HPSE2: variants seen among roughly 807,000 people sequenced by gnomAD.
HPSE2 encodes inactive heparanase-2.
HPSE2 carries 38 observed loss-of-function variants against 60.5 expected under a neutral mutation model. That is an observed-to-expected ratio of 0.63 (90% CI 0.48 to 0.82). The LOEUF (loss-of-function observed/expected upper bound fraction) is 0.82, where lower values mean the gene tolerates loss of function less well. Ranked by LOEUF, HPSE2 falls within the 40% of genes least tolerant of loss-of-function variation. HPSE2 has a pLI of 0.00. For synonymous variants in HPSE2, 295 were observed against 293.2 expected (o/e 1.01, Z -0.06); for missense variants, 713 against 740.4 (o/e 0.96, Z 0.43).
intron 9 of HPSE2, among the ~76,000 whole-genome samples, chr10:98,549,904 A>G (rs1943809419): frequency 6.6e-6 from 1 of 151,890 alleles, no homozygotes; most frequent in Non-Finnish European, 1.5e-5. Flanking sequence ...AATATCATCT[A>G]CTCCCACGGT....
At chr10:98,945,845 T>C (rs1041404548) in intron 3 of HPSE2, among the ~76,000 whole-genome samples, 19 of 152,224 alleles carry the variant, frequency 1.2e-4, no homozygotes, top group African/African-American at 4.6e-4. Context: ...TAGCATTTAC[T>C]GTTCACATTG....
intron 3 of HPSE2, among the ~76,000 whole-genome samples, chr10:98,809,377 T>TGTATA (rs1951115850): frequency 6.6e-6 from 1 of 152,098 alleles, no homozygotes; most frequent in Admixed American, 6.6e-5. Context: ...GTACTATTAA[T>TGTATA]ATAATGTAAC....
At chr10:98,984,148 T>C (rs1034086519) in intron 3 of HPSE2, among the ~76,000 whole-genome samples, 1 of 152,156 alleles carries the variant, frequency 6.6e-6, no homozygotes, top group Non-Finnish European at 1.5e-5. Context: ...AGAGTAGTGG[T>C]TCTCTCAGCA....
intron 3 of HPSE2, among the ~76,000 whole-genome samples, chr10:99,103,771 G>A (rs7094361): frequency 0.49 from 74,694 of 151,900 alleles, 20,807 homozygotes; most frequent in East Asian, 0.65. Context: ...GCATGGTACC[G>A]GTACCAAAAC....
At chr10:98,795,232 C>T (rs945724689) in intron 3 of HPSE2, among the ~76,000 whole-genome samples, 5 of 152,206 alleles carry the variant, frequency 3.3e-5, no homozygotes, top group African/African-American at 7.2e-5. Flanking sequence ...AATAATCACA[C>T]TACCTGGTTT....
chr10:98,975,535 T>A (rs543710572), intron 3 of HPSE2, among the ~76,000 whole-genome samples: 1 of 152,258 alleles, frequency 6.6e-6, no homozygotes, highest in South Asian at 2.1e-4. Flanking sequence ...ACTGCAACAG[T>A]TGCTGAGATT....
intron 5 of HPSE2, among the ~76,000 whole-genome samples, chr10:98,707,804 C>T (rs1948584654): frequency 6.6e-6 from 1 of 151,962 alleles, no homozygotes; most frequent in South Asian, 2.1e-4. Flanking sequence ...ATAAAAAGTC[C>T]CAGCAGATAT....
intron 3 of HPSE2, among the ~76,000 whole-genome samples, chr10:98,908,627 G>T (rs574539102): frequency 7.0e-6 from 1 of 143,040 alleles, no homozygotes; most frequent in Non-Finnish European, 1.5e-5. Flanking sequence ...AGGTTGTGGT[G>T]AGCCGAGATC....
At chr10:99,284,527 G>C in the HPSE2 span, among the ~76,000 whole-genome samples, 3 of 151,994 alleles carry the variant, frequency 2.0e-5, no homozygotes, top group Admixed American at 6.6e-5. Context: ...AACTATAAAA[G>C]TTTCTTAATC....
chr10:98,716,216 T>C (rs1024486263), intron 5 of HPSE2, among the ~76,000 whole-genome samples: 1 of 151,954 alleles, frequency 6.6e-6, no homozygotes, highest in African/African-American at 2.4e-5. Flanking sequence ...CACTTCTAAT[T>C]CCAGTCTTCT....
Position 98,546,604 on chromosome 10 carries a change from T to G in HPSE2, c.1321-56408A>C, listed in dbSNP as rs563296647. Among the ~76,000 whole-genome samples, 730 of 151,414 alleles carry G rather than the reference T, an allele frequency of 4.8e-3. 7 individuals are homozygous for G. The highest frequency in any genetic ancestry group is 0.016 in the African/African-American group (648 of 41,438). Reference sequence around the variant, plus strand: ...GCTGGGAAAACTGGCTAGCCATATGTAGAAAGCTGAAACTGGATCCCTTCC... The same window carrying G: ...GCTGGGAAAACTGGCTAGCCATATGGAGAAAGCTGAAACTGGATCCCTTCC... On this transcript the variant is annotated intron_variant, in intron 9 of 11. Coordinates refer to ENST00000370552, the MANE Select transcript of HPSE2 (RefSeq NM_021828.5).
intron 3 of HPSE2, among the ~76,000 whole-genome samples, chr10:98,875,224 T>C (rs375931455): frequency 7.9e-5 from 12 of 152,050 alleles, no homozygotes; most frequent in African/African-American, 2.7e-4. Context: ...TCCAAAAACT[T>C]AATGAATCCT....
chr10:99,139,080 T>G (rs1351251540), intron 3 of HPSE2, among the ~76,000 whole-genome samples: 3 of 152,282 alleles, frequency 2.0e-5, no homozygotes, highest in South Asian at 2.1e-4. Context: ...ATGGGACATA[T>G]ATACCATGAA....
chr10:98,632,732 G>A (rs1273469312), intron 7 of HPSE2, among the ~76,000 whole-genome samples: 1 of 152,054 alleles, frequency 6.6e-6, no homozygotes, highest in Non-Finnish European at 1.5e-5. Flanking sequence ...CTCTGCTAAT[G>A]TGTTCATATG....
chr10:98,980,870 T>C (rs1222314540), intron 3 of HPSE2, among the ~76,000 whole-genome samples: 1 of 152,180 alleles, frequency 6.6e-6, no homozygotes, highest in Admixed American at 6.6e-5. Context: ...GTGTCGGAGC[T>C]ATGTATTTTG....
chr10:99,273,395 G>A, the HPSE2 span, among the ~76,000 whole-genome samples: 2,724 of 152,108 alleles, frequency 0.018, 45 homozygotes, highest in Non-Finnish European at 0.028. Flanking sequence ...AACACTACCT[G>A]TTCCCCAAAA....
the HPSE2 span, among the ~76,000 whole-genome samples, chr10:99,303,990 G>A: frequency 6.6e-6 from 1 of 152,180 alleles, no homozygotes. Flanking sequence ...GGGCCCCTTA[G>A]ATTAGGCATC....
At chr10:98,922,741 C>G (rs932154507) in intron 3 of HPSE2, among the ~76,000 whole-genome samples, 1 of 152,086 alleles carries the variant, frequency 6.6e-6, no homozygotes, top group African/African-American at 2.4e-5. Context: ...TTGCTGGCAC[C>G]ATTCCAAACA....
intron 10 of HPSE2, among the ~76,000 whole-genome samples, chr10:98,489,092 T>C (rs1345836304): frequency 2.0e-5 from 3 of 152,214 alleles, no homozygotes; most frequent in African/African-American, 4.8e-5. Context: ...AATGAAGGTC[T>C]GGCTGGAGGC....
Sources: allele counts gnomAD v4.1 joint callset (sites outside exome capture counted in the v4.1 genomes callset), GRCh38; gene constraint gnomAD v4.1.1; transcripts MANE v1.5; gene names NCBI Gene and HGNC (gene_info 2026-07-23, HGNC 2026-07-21).